The following ZNF121 variants were observed in gnomAD, a reference collection of about 807,000 sequenced individuals.
ZNF121 encodes the protein zinc finger protein 121 (clone ZHC32).
ZNF121 carries 1 observed loss-of-function variant against 2.4 expected under a neutral mutation model. The ratio of observed to expected loss-of-function variants is 0.41; its 90% CI spans 0.15 to 1.94. The LOEUF is 1.94. Among genes scored for constraint, ZNF121 ranks in the 30% most tolerant of loss-of-function variants. The pLI is 0.30. For synonymous variants in ZNF121, 173 were observed against 158.6 expected (o/e 1.09, Z -0.68); for missense variants, 369 against 466.3 (o/e 0.79, Z 1.92).
chr19:9,581,700 A>C (rs1457348945), intron 1 of ZNF121, among the ~76,000 whole-genome samples: 1 of 152,232 alleles, frequency 6.6e-6, no homozygotes, highest in Non-Finnish European at 1.5e-5. Flanking sequence ...GTAAAAAGAC[A>C]CTGAAAACAT....
Position 9,565,388 on chromosome 19 carries a change from G to C in ZNF121, c.*552C>G, listed in dbSNP as rs1446963456. The stretch of plus-strand genomic sequence containing the variant: ...AAAAAAAAAAAAAAAAAAAAAAAAA[G>C]GCCAGGAGCAGTGGCTCACTCCTAT... On this transcript the variant is annotated 3_prime_UTR_variant, in exon 4 of 4. Transcript: ENST00000320451. 5 of 40,868 alleles carry C rather than the reference G, an allele frequency of 1.2e-4. No individual in the cohort carries two copies. The highest frequency in any genetic ancestry group is 3.7e-4 in the Non-Finnish European group (5 of 13,584). 2.5% of individuals were successfully genotyped at this position (40,868 alleles called of 1,614,324 possible).
At chr19:9,574,558 G>A (rs907756486) in intron 1 of ZNF121, among the ~76,000 whole-genome samples, 8 of 152,174 alleles carry the variant, frequency 5.3e-5, no homozygotes, top group South Asian at 2.1e-4. Flanking sequence ...ATAACCTGAC[G>A]CATCCACCCT....
chr19:9,583,959 A>C (rs975942391), intron 1 of ZNF121, among the ~76,000 whole-genome samples: 2 of 152,174 alleles, frequency 1.3e-5, no homozygotes, highest in Admixed American at 6.5e-5. Context: ...TTTCCATCAG[A>C]AAGTAATGTG....
rs542512741 is a variant in ZNF121, at chr19:9,581,432, G to C, written c.-160+3029C>G. ...AGAAAAGTGGAGAGGAAGGGGAAGGGATGTCTGTAGTGAGCTAGAAAGTCC... is the reference window on the plus strand; with the variant it reads ...AGAAAAGTGGAGAGGAAGGGGAAGGCATGTCTGTAGTGAGCTAGAAAGTCC... On this transcript the variant is annotated intron_variant, in intron 1 of 3. Transcript: ENST00000320451. Among the ~76,000 whole-genome samples, 104 of 152,274 alleles carry C rather than the reference G, an allele frequency of 6.8e-4. 3 individuals are homozygous for C. In the South Asian group the frequency reaches 0.013, roughly 19 times the overall value.
At chr19:9,578,348 C>T (rs1268751829) in intron 1 of ZNF121, among the ~76,000 whole-genome samples, 3 of 151,606 alleles carry the variant, frequency 2.0e-5, no homozygotes, top group East Asian at 1.9e-4. Flanking sequence ...GAGCCGAGGT[C>T]GCACCACTGC....
Position 9,578,028 on chromosome 19 carries a change from T to TA in ZNF121, c.-160+6432dup, listed in dbSNP as rs577090795. On this transcript the variant is annotated intron_variant, in intron 1 of 3. Coordinates refer to ENST00000320451, the MANE Select transcript of ZNF121 (RefSeq NM_001008727.5). The stretch of plus-strand genomic sequence containing the variant: ...TAACATGGTGAAATCCCATCTCTAC[T>TA]AAAAAAAAAAATACAAAAAAAAAAA... Among the ~76,000 whole-genome samples the TA allele has an allele frequency of 2.6e-3, 291 of 114,048 alleles. 6 individuals are homozygous for TA. Among genetic ancestry groups the TA allele is most frequent in the South Asian group, 9.9e-3 (36 of 3,622 alleles). The allele number at this position is 114,048 out of a possible 152,430, so 74.8% of individuals were successfully genotyped here. A position where few individuals can be genotyped will look rare whatever the true frequency, so the allele number is the denominator to read the frequency against.
intron 1 of ZNF121, among the ~76,000 whole-genome samples, chr19:9,575,546 C>T (rs2074204654): frequency 6.6e-6 from 1 of 152,100 alleles, no homozygotes; most frequent in Non-Finnish European, 1.5e-5. Context: ...AGTTCAAGAC[C>T]AGCCTGGCCA....
At chr19:9,577,612 T>C (rs1055613520) in intron 1 of ZNF121, among the ~76,000 whole-genome samples, 12 of 151,660 alleles carry the variant, frequency 7.9e-5, no homozygotes, top group Non-Finnish European at 1.8e-4. Context: ...AAAATGACAA[T>C]ACTACCCAAA....
At chr19:9,576,519 T>C (rs2074211252) in intron 1 of ZNF121, among the ~76,000 whole-genome samples, 1 of 151,990 alleles carries the variant, frequency 6.6e-6, no homozygotes, top group Non-Finnish European at 1.5e-5. Context: ...AATAAACACG[T>C]ACATACAAAA....
intron 1 of ZNF121, among the ~76,000 whole-genome samples, chr19:9,574,723 A>G (rs1427746791): frequency 2.0e-5 from 3 of 152,210 alleles, no homozygotes; most frequent in Non-Finnish European, 4.4e-5. Context: ...AACATCTTCA[A>G]ATAAGGAATA....
At chr19:9,576,459 C>T (rs1360712776) in intron 1 of ZNF121, among the ~76,000 whole-genome samples, 3 of 152,014 alleles carry the variant, frequency 2.0e-5, no homozygotes, top group Non-Finnish European at 4.4e-5. Flanking sequence ...GAAACTACAA[C>T]ATACCAAAAT....
Position 9,575,191 on chromosome 19 carries a change from G to T in ZNF121, c.-159-6109C>A, listed in dbSNP as rs1205860017. 2.0e-5 allele frequency among the ~76,000 whole-genome samples: 3 copies of T among 152,302 alleles called. No homozygotes were observed. The East Asian group carries it at 5.8e-4, about 29-fold the overall frequency. ...TCACAACACTTTGGGAGGCTGAGGTGGGCGGATCACCTGACATCACGAGTT... is the reference window on the plus strand; with the variant it reads ...TCACAACACTTTGGGAGGCTGAGGTTGGCGGATCACCTGACATCACGAGTT... On this transcript the variant is annotated intron_variant, in intron 1 of 3. Transcript: ENST00000320451.
rs148662506 is a variant in ZNF121 at position 9,577,756 on chromosome 19, G to A, written c.-160+6705C>T. Among the ~76,000 whole-genome samples the A allele has an allele frequency of 4.3e-3, 652 of 151,916 alleles. 15 individuals carry two copies. The highest frequency in any genetic ancestry group is 0.039 in the Admixed American group (590 of 15,256). On this transcript the variant is annotated intron_variant, in intron 1 of 3. Transcript: ENST00000320451. ...CAAAGAAATACTGACCAAAAAAAAC[G>A]AAGCTGGAGTGGCCAGGTGCAGTGG... is the stretch of plus-strand genomic sequence containing the variant.
At chr19:9,575,264 T>TA (rs113200406) in intron 1 of ZNF121, among the ~76,000 whole-genome samples, 5,219 of 151,178 alleles carry the variant, frequency 0.035, 311 homozygotes, top group African/African-American at 0.12. Context: ...TACTAAAAAT[T>TA]AAAAAAAAAT....
chr19:9,566,358 T>G lies in ZNF121; in HGVS notation c.755A>C (p.Glu252Ala). 1 of 1,613,720 alleles carries G rather than the reference T, an allele frequency of 6.2e-7. No homozygotes were observed. The highest frequency in any genetic ancestry group is 8.5e-7 in the Non-Finnish European group (1 of 1,179,936). Residue 252 changes from glutamate (E) to alanine (A), a missense_variant, in exon 4 of 4, where the codon GAG becomes GCG. By Grantham distance (107) the Glu-to-Ala change is moderately radical. Coordinates refer to ENST00000320451, the MANE Select transcript of ZNF121 (RefSeq NM_001008727.5). The stretch of plus-strand genomic sequence containing the variant: ...TACCTTACATTCAAAGGGCTTCTCC[T>G]CTGTGTGAGTTTTAAAATGTTCAGT... ...LLTEHFKTHT[E>A]EKPFECKVCG...
chr19:9,571,498 C>T (rs1014183182), intron 1 of ZNF121, among the ~76,000 whole-genome samples: 4 of 152,148 alleles, frequency 2.6e-5, no homozygotes, highest in Non-Finnish European at 4.4e-5. Context: ...TAATTTCTGT[C>T]ACTTGGTATG....
intron 1 of ZNF121, among the ~76,000 whole-genome samples, chr19:9,574,196 A>T (rs1048139122): frequency 1.3e-5 from 2 of 152,112 alleles, no homozygotes; most frequent in South Asian, 4.1e-4. Context: ...CCCAGGCTGC[A>T]GTGCAATGGC....
intron 1 of ZNF121, among the ~76,000 whole-genome samples, chr19:9,576,287 ACTTTGAGACCACCCTGGG>A (rs1454353010): frequency 1.3e-5 from 2 of 151,714 alleles, no homozygotes; most frequent in Non-Finnish European, 2.9e-5. Flanking sequence ...TGCACCCAGG[ACTTTGAGACCACCCTGGG>A]CAACACAAGG....
At chr19:9,571,338 T>C (rs1242032678) in intron 1 of ZNF121, among the ~76,000 whole-genome samples, 2 of 152,200 alleles carry the variant, frequency 1.3e-5, no homozygotes, top group Admixed American at 1.3e-4. Flanking sequence ...GTCTAAACTA[T>C]AGTAGCCAAA....
Sources: allele counts gnomAD v4.1 joint callset (sites outside exome capture counted in the v4.1 genomes callset), GRCh38; gene constraint gnomAD v4.1.1; transcripts MANE v1.5; gene names NCBI Gene and HGNC (gene_info 2026-07-23, HGNC 2026-07-21).